CADM2: variants seen among roughly 807,000 people sequenced by gnomAD.
CADM2 encodes the protein immunoglobulin superfamily member 4D.
Under a neutral mutation model 49.8 loss-of-function variants are expected in CADM2, and 12 were observed. That is an observed-to-expected ratio of 0.24 (90% CI 0.15 to 0.39). The LOEUF (loss-of-function observed/expected upper bound fraction) is 0.39, where lower values mean the gene tolerates loss of function less well. Ranked by LOEUF, CADM2 falls within the 10% of genes least tolerant of loss-of-function variation. The probability of loss-of-function intolerance (pLI) is 1.00; values close to 1 mark genes in which losing one functional copy is unlikely to be tolerated. For synonymous variants in CADM2, 214 were observed against 175.4 expected (o/e 1.22, Z -1.74); for missense variants, 378 against 492.3 (o/e 0.77, Z 2.20).
chr3:85,091,057 G>C (rs553343550), intron 1 of CADM2, among the ~76,000 whole-genome samples: 1 of 152,156 alleles, frequency 6.6e-6, no homozygotes, highest in Non-Finnish European at 1.5e-5. Flanking sequence ...CAGATTGCGG[G>C]GATACAATAC....
intron 1 of CADM2, among the ~76,000 whole-genome samples, chr3:85,333,593 C>T (rs2044997139): frequency 6.6e-6 from 1 of 151,696 alleles, no homozygotes; most frequent in African/African-American, 2.4e-5. Flanking sequence ...TTAGGTTAAT[C>T]ATTTTAAATA....
chr3:85,544,042 C>T (rs2061607818), intron 1 of CADM2, among the ~76,000 whole-genome samples: 1 of 152,044 alleles, frequency 6.6e-6, no homozygotes, highest in South Asian at 2.1e-4. Flanking sequence ...GCAACTGTAA[C>T]ATTTATGGGT....
chr3:85,527,599 G>GA lies in CADM2; in HGVS notation c.62-198913dup, dbSNP rs11337112. Among the ~76,000 whole-genome samples, 293 of 149,618 alleles carry GA rather than the reference G, an allele frequency of 2.0e-3. 1 individual carries two copies. Among genetic ancestry groups the GA allele is most frequent in the Middle Eastern group, 6.9e-3 (2 of 288 alleles). ...CTCAAAAGACTCTTAGTTGTAACCTGAAAAAAAAAATCAAAATGCACACCC... is the reference window on the plus strand; with the variant it reads ...CTCAAAAGACTCTTAGTTGTAACCTGAAAAAAAAAAATCAAAATGCACACCC... On this transcript the variant is annotated intron_variant, in intron 1 of 9. Transcript: ENST00000383699.
At chr3:85,311,090 G>A (rs2044331781) in intron 1 of CADM2, among the ~76,000 whole-genome samples, 2 of 152,034 alleles carry the variant, frequency 1.3e-5, no homozygotes, top group Admixed American at 1.3e-4. Context: ...AATTGACCAT[G>A]CATTTTCTTC....
intron 1 of CADM2, among the ~76,000 whole-genome samples, chr3:85,463,981 A>T (rs2038374084): frequency 6.6e-6 from 1 of 152,156 alleles, no homozygotes; most frequent in Admixed American, 6.5e-5. Context: ...CTAAATTCGA[A>T]AGATCATATA....
At chr3:85,183,839 A>G (rs1057222114) in intron 1 of CADM2, among the ~76,000 whole-genome samples, 2 of 152,274 alleles carry the variant, frequency 1.3e-5, no homozygotes, top group African/African-American at 2.4e-5. Context: ...CAGGGATGAT[A>G]ATGTAAGAGA....
chr3:85,173,386 A>C (rs2040688101), intron 1 of CADM2, among the ~76,000 whole-genome samples: 1 of 152,180 alleles, frequency 6.6e-6, no homozygotes, highest in Non-Finnish European at 1.5e-5. Flanking sequence ...ATCTCATGTA[A>C]CAATAGGGGA....
At chr3:85,392,341 A>C (rs1053483310) in intron 1 of CADM2, among the ~76,000 whole-genome samples, 2 of 152,124 alleles carry the variant, frequency 1.3e-5, no homozygotes, top group Non-Finnish European at 2.9e-5. Context: ...GCAGCCACAT[A>C]ACTGTGTTGT....
chr3:85,788,331 G>A (rs1459848347), intron 2 of CADM2, among the ~76,000 whole-genome samples: 1 of 152,036 alleles, frequency 6.6e-6, no homozygotes, highest in Non-Finnish European at 1.5e-5. Flanking sequence ...ATATGCATAT[G>A]TTGGATATCA....
intron 1 of CADM2, among the ~76,000 whole-genome samples, chr3:84,986,642 T>C (rs547147516): frequency 5.3e-5 from 8 of 151,706 alleles, no homozygotes; most frequent in Non-Finnish European, 1.0e-4. Flanking sequence ...TTAGGAGATA[T>C]ACCTAATGCT....
rs73845425 is a variant in CADM2 at position 85,275,167 on chromosome 3, C to T, written c.61+315499C>T. Among the ~76,000 whole-genome samples the T allele has an allele frequency of 8.6e-3, 1,308 of 151,560 alleles. 24 individuals are homozygous for T. The highest frequency in any genetic ancestry group is 0.03 in the African/African-American group (1,244 of 41,464). On this transcript the variant is annotated intron_variant, in intron 1 of 9. Transcript: ENST00000383699. ...AATAACTTGAGTATTCTCACTTAAG[C>T]AAGTACCTTGCTGAATTGCTTTCTA...
intron 8 of CADM2, among the ~76,000 whole-genome samples, chr3:86,004,877 C>T (rs1288407803): frequency 6.6e-6 from 1 of 152,170 alleles, no homozygotes; most frequent in Non-Finnish European, 1.5e-5. Context: ...AGGAATTGCC[C>T]TTTACTGACC....
chr3:85,103,158 T>A (rs1392434825), intron 1 of CADM2, among the ~76,000 whole-genome samples: 1 of 152,156 alleles, frequency 6.6e-6, no homozygotes, highest in African/African-American at 2.4e-5. Flanking sequence ...TTCTTAATTA[T>A]CTGCAGACTA....
At chr3:85,363,732 C>T (rs1288348364) in intron 1 of CADM2, among the ~76,000 whole-genome samples, 1 of 152,210 alleles carries the variant, frequency 6.6e-6, no homozygotes, top group Non-Finnish European at 1.5e-5. Flanking sequence ...CTGCCTCAGC[C>T]TCCCGAATAG....
chr3:85,595,126 G>A (rs145366038), intron 1 of CADM2, among the ~76,000 whole-genome samples: 1 of 152,112 alleles, frequency 6.6e-6, no homozygotes, highest in East Asian at 1.9e-4. Flanking sequence ...AATACAAATT[G>A]AAGTAGGAAC....
intron 2 of CADM2, among the ~76,000 whole-genome samples, chr3:85,745,850 G>A (rs1203104900): frequency 6.6e-6 from 1 of 151,972 alleles, no homozygotes; most frequent in African/African-American, 2.4e-5. Context: ...TTCTTTCTGA[G>A]ATTCCTTCCT....
intron 1 of CADM2, among the ~76,000 whole-genome samples, chr3:85,691,335 A>G (rs867664311): frequency 6.6e-6 from 1 of 152,152 alleles, no homozygotes; most frequent in Non-Finnish European, 1.5e-5. Flanking sequence ...TTATCCATAC[A>G]TTTGTTAATG....
chr3:85,040,774 C>T (rs1185235624), intron 1 of CADM2, among the ~76,000 whole-genome samples: 4 of 152,056 alleles, frequency 2.6e-5, no homozygotes, highest in Admixed American at 2.6e-4. Flanking sequence ...TCACTACATT[C>T]AGCACTTTAA....
chr3:85,464,966 T>C (rs9864651), intron 1 of CADM2, among the ~76,000 whole-genome samples: 3 of 151,944 alleles, frequency 2.0e-5, no homozygotes, highest in Admixed American at 1.3e-4. Flanking sequence ...TGGCTAACAC[T>C]GTGAAACCCC....
Sources: gnomAD v4.1 joint callset for allele counts (sites outside exome capture counted in the v4.1 genomes callset) on GRCh38, gnomAD v4.1.1 for gene constraint, MANE v1.5 for transcripts, NCBI Gene and HGNC (gene_info 2026-07-23, HGNC 2026-07-21) for gene names.